Variants in RIC1 observed in about 807,000 individuals in gnomAD.
The protein encoded by RIC1 is guanine nucleotide exchange factor subunit RIC1.
RIC1 carries 88 observed loss-of-function variants against 169.0 expected under a neutral mutation model. That is an observed-to-expected ratio of 0.52 (90% confidence interval 0.44 to 0.62). The LOEUF (loss-of-function observed/expected upper bound fraction) is 0.62. Among genes scored for constraint, RIC1 ranks in the 20% least tolerant of loss-of-function variants. The pLI, the probability that RIC1 is intolerant of heterozygous loss-of-function variation, is 0.00. For missense variants in RIC1, 1,877 were observed against 1,725.5 expected, an observed-to-expected ratio of 1.09 and a Z score of -1.56; for synonymous variants, 790 against 601.5, an observed-to-expected ratio of 1.31 and a Z score of -4.59.
chr9:5,678,322 C>G (rs1420874716), intron 2 of RIC1, among the ~76,000 whole-genome samples: 1 of 152,068 alleles, frequency 6.6e-6, no homozygotes, highest in Non-Finnish European at 1.5e-5. Context: ...GTGCATGTGT[C>G]TTTATAGCAG....
intron 2 of RIC1, among the ~76,000 whole-genome samples, chr9:5,671,204 C>T (rs183781870): frequency 1.3e-5 from 2 of 151,894 alleles, no homozygotes; most frequent in Admixed American, 1.3e-4. Flanking sequence ...ATATCAGTGA[C>T]CTTTCTAAAC....
Position 5,747,305 on chromosome 9 carries a change from A to G in RIC1, c.1252A>G (p.Asn418Asp), listed in dbSNP as rs755676672. ...SVLTVNPCMS[N>D]QEQVLLQGED... The stretch of plus-strand genomic sequence containing the variant: ...TGTTCCTCTTTCCCTCATTTAGAGT[A>G]ACCAAGAGCAGGTGTTGCTTCAGGG... The change falls in exon 12 of 26, where the codon AAC becomes GAC. Residue 418 changes from asparagine (N) to aspartate (D), a missense_variant. Physicochemically the swap from Asn to Asp is conservative, Grantham distance 23. Coordinates refer to ENST00000414202, the MANE Select transcript of RIC1 (RefSeq NM_020829.4). The G allele has an allele frequency of 2.5e-6, 4 of 1,613,690 alleles. No homozygotes were observed. In the South Asian group the frequency reaches 4.4e-5, roughly 18 times the overall value.
At chr9:5,736,312 A>G (rs1462220357) in intron 7 of RIC1, among the ~76,000 whole-genome samples, 2 of 152,204 alleles carry the variant, frequency 1.3e-5, no homozygotes, top group Admixed American at 6.5e-5. Context: ...GACAGATGAC[A>G]TTTTCCCTCC....
Position 5,775,587 on chromosome 9 carries a change from A to G in RIC1, c.*1341A>G, listed in dbSNP as rs1038217340. The G allele has an allele frequency of 2.0e-5, 3 of 152,152 alleles. No individual in the cohort carries two copies. Among genetic ancestry groups the G allele is most frequent in the Non-Finnish European group, 4.4e-5 (3 of 68,008 alleles). 9.4% of individuals were successfully genotyped at this position (152,152 alleles called of 1,614,324 possible). A position where few individuals can be genotyped will look rare whatever the true frequency, so the allele number is the denominator to read the frequency against. On this transcript the variant is annotated 3_prime_UTR_variant, in exon 26 of 26. Coordinates refer to ENST00000414202, the MANE Select transcript of RIC1 (RefSeq NM_020829.4). Reference sequence around the variant, plus strand: ...ACTATCTAAAATAGCCTCTTTTCTCATAGTGCAGTTGTAGTTTAGAAACAA... The same window carrying G: ...ACTATCTAAAATAGCCTCTTTTCTCGTAGTGCAGTTGTAGTTTAGAAACAA...
At chr9:5,760,807 T>A (rs894884543) in intron 17 of RIC1, among the ~76,000 whole-genome samples, 1 of 152,196 alleles carries the variant, frequency 6.6e-6, no homozygotes, top group Non-Finnish European at 1.5e-5. Context: ...CCAAGTATTT[T>A]GCAACTAGAA....
intron 2 of RIC1, among the ~76,000 whole-genome samples, chr9:5,684,637 T>G (rs1480869093): frequency 6.6e-6 from 1 of 152,152 alleles, no homozygotes; most frequent in Non-Finnish European, 1.5e-5. Context: ...TTAATTCCAT[T>G]AGGAGTCCTA....
intron 3 of RIC1, among the ~76,000 whole-genome samples, chr9:5,706,033 T>A (rs760786338): frequency 1.3e-4 from 20 of 152,226 alleles, no homozygotes; most frequent in Non-Finnish European, 2.2e-4. Context: ...AATATGCTAC[T>A]GGATCCAGTT....
At chr9:5,753,506 G>A (rs1214986037) in intron 13 of RIC1, 30 bp from the exon 14 acceptor site, 4 of 1,389,690 alleles carry the variant, frequency 2.9e-6, no homozygotes, top group Non-Finnish European at 4.0e-6. Flanking sequence ...AGGTTTGCAA[G>A]GAAAAGTTCT....
chr9:5,632,553 A>T (rs1348754754), intron 1 of RIC1, among the ~76,000 whole-genome samples: 1 of 152,096 alleles, frequency 6.6e-6, no homozygotes, highest in African/African-American at 2.4e-5. Context: ...TTTATATTGG[A>T]GCCCCAATAT....
intron 2 of RIC1, among the ~76,000 whole-genome samples, chr9:5,686,943 G>A (rs577351236): frequency 1.3e-5 from 2 of 152,022 alleles, no homozygotes; most frequent in Admixed American, 1.3e-4. Context: ...TTAAAGAGTT[G>A]GTAGAATTTA....
At chr9:5,676,098 C>T (rs10975227) in intron 2 of RIC1, among the ~76,000 whole-genome samples, 47,495 of 151,894 alleles carry the variant, frequency 0.31, 8,194 homozygotes, top group East Asian at 0.58. Context: ...GTAAAGCTAA[C>T]GAAAGACGAG....
At chr9:5,667,324 G>GA (rs1194409225) in intron 2 of RIC1, among the ~76,000 whole-genome samples, 2 of 151,788 alleles carry the variant, frequency 1.3e-5, no homozygotes, top group African/African-American at 4.8e-5. Context: ...TCCGTATCAG[G>GA]AAAAAAACAA....
intron 19 of RIC1, chr9:5,765,053 C>G: frequency 6.0e-6 from 1 of 167,430 alleles, no homozygotes; most frequent in Non-Finnish European, 1.3e-5. Flanking sequence ...GTCAGGCAAA[C>G]CTCCCTTTTT....
At chr9:5,678,910 G>A (rs1161980033) in intron 2 of RIC1, among the ~76,000 whole-genome samples, 12 of 151,998 alleles carry the variant, frequency 7.9e-5, no homozygotes, top group East Asian at 1.9e-4. Context: ...TAGACATGAA[G>A]TCCTTGCCCA....
At position 5,682,415 on chromosome 9, in the gene RIC1, T is replaced by C. The variant is rs972614164; in HGVS notation, c.253-7544T>C. ...AAGGATTTTATTTCTCTTTCACTTA[T>C]GAAGCTTAGTTTGGCTGGATATGAA... On this transcript the variant is annotated intron_variant, in intron 2 of 25. Coordinates refer to ENST00000414202, the MANE Select transcript of RIC1 (RefSeq NM_020829.4). Among the ~76,000 whole-genome samples the C allele has an allele frequency of 9.8e-5, 15 of 152,342 alleles. No individual in the cohort carries two copies. In the East Asian group the frequency reaches 2.7e-3, roughly 27 times the overall value.
At chr9:5,633,100 A>G (rs1020304417) in intron 1 of RIC1, among the ~76,000 whole-genome samples, 1 of 152,224 alleles carries the variant, frequency 6.6e-6, no homozygotes, top group Admixed American at 6.5e-5. Flanking sequence ...AAATGGGCAA[A>G]TAATTACTAG....
chr9:5,697,908 T>C (rs1586969094), intron 3 of RIC1, among the ~76,000 whole-genome samples: 1 of 152,256 alleles, frequency 6.6e-6, no homozygotes, highest in Non-Finnish European at 1.5e-5. Flanking sequence ...GTAAATATCT[T>C]GAAAAGTCAT....
At chr9:5,656,112 C>T (rs1049347515) in intron 1 of RIC1, among the ~76,000 whole-genome samples, 4 of 151,468 alleles carry the variant, frequency 2.6e-5, no homozygotes, top group South Asian at 2.1e-4. Context: ...CCTTGTGATC[C>T]GCCCACCATG....
At chr9:5,713,870 C>T (rs1823079804) in intron 3 of RIC1, 26 bp from the exon 4 acceptor site, 1 of 1,536,506 alleles carries the variant, frequency 6.5e-7, no homozygotes, top group African/African-American at 1.4e-5. Flanking sequence ...CAGCATCTTT[C>T]TTTAACTCTA....
Sources: gnomAD v4.1 joint callset for allele counts (sites outside exome capture counted in the v4.1 genomes callset) on GRCh38, gnomAD v4.1.1 for gene constraint, MANE v1.5 for transcripts, NCBI Gene and HGNC (gene_info 2026-07-23, HGNC 2026-07-21) for gene names.